Variants in ZNF707 observed in about 807,000 individuals in gnomAD.
ZNF707 encodes zinc finger protein 707.
Under a neutral mutation model 13.3 loss-of-function variants are expected in ZNF707, and 8 were observed. That is an observed-to-expected ratio of 0.60 (90% CI 0.35 to 1.09). The LOEUF is 1.09. Ranked by LOEUF, ZNF707 falls within the 50% of genes least tolerant of loss-of-function variation. The probability of loss-of-function intolerance (pLI) is 0.02; values close to 1 mark genes in which losing one functional copy is unlikely to be tolerated. For synonymous variants in ZNF707, 225 were observed against 205.6 expected (o/e 1.09, Z -0.81); for missense variants, 530 against 512.6 (o/e 1.03, Z -0.33).
intron 1 of ZNF707, among the ~76,000 whole-genome samples, chr8:143,685,258 C>T (rs530452640): frequency 2.0e-5 from 3 of 152,286 alleles, no homozygotes; most frequent in East Asian, 3.9e-4. Flanking sequence ...GGCAAGGTGG[C>T]TCCCGCCTGT....
chr8:143,691,839 T>A, intron 5 of ZNF707, 126 bp downstream of exon 5: 8 of 988,686 alleles, frequency 8.1e-6, no homozygotes, highest in Non-Finnish European at 1.2e-5. Flanking sequence ...ACACAGCTGC[T>A]CTCTAAATTA....
At chr8:143,690,192 C>T (rs142911737) in intron 3 of ZNF707, 69 bp downstream of exon 3, 147 of 1,578,946 alleles carry the variant, frequency 9.3e-5, no homozygotes, top group African/African-American at 2.0e-4. Flanking sequence ...CCAGCACACA[C>T]GCGGGGAGGG....
In ZNF707 at chr8:143,694,065, A is replaced by C; in HGVS notation, c.651A>C (p.Ser217=). The change falls in exon 6 of 6, where the codon TCA becomes TCC. Residue 217 remains serine, a synonymous_variant. Coordinates refer to ENST00000358656, the MANE Select transcript of ZNF707 (RefSeq NM_001100598.2). The surrounding 1 kb of genome is among the most constrained non-coding windows in gnomAD (Gnocchi z 4.4). ...GCGGCCAGACCTTCCGGTGGGCTTCAAACCTGCAGCGCCACCAGAAGAACC... is the reference window on the plus strand; with the variant it reads ...GCGGCCAGACCTTCCGGTGGGCTTCCAACCTGCAGCGCCACCAGAAGAACC... ...PECGQTFRWA[S]NLQRHQKNHT... 6.2e-7 allele frequency: 1 copy of C among 1,607,182 alleles called. No individual in the cohort carries two copies. Among genetic ancestry groups the C allele is most frequent in the Non-Finnish European group, 8.5e-7 (1 of 1,177,880 alleles).
chr8:143,692,678 C>T (rs369179542), intron 5 of ZNF707, among the ~76,000 whole-genome samples: 1 of 54,214 alleles, frequency 1.8e-5, no homozygotes. Flanking sequence ...GGGGAGGTGT[C>T]GCATCCCCGG....
Position 143,694,656 on chromosome 8 carries a change from A to G in ZNF707, c.*126A>G. On this transcript the variant is annotated 3_prime_UTR_variant, in exon 6 of 6. Transcript: ENST00000358656. The surrounding 1 kb of genome is among the most constrained non-coding windows in gnomAD (Gnocchi z 4.4). The stretch of plus-strand genomic sequence containing the variant: ...ATTCAGAGAAGCCTTCTTAGTCCTC[A>G]GAGCTCCCCAGTCCCCCGAGAAGTT... 2.7e-6 allele frequency: 3 copies of G among 1,092,366 alleles called. No homozygotes were observed. The highest frequency in any genetic ancestry group is 3.8e-6 in the Non-Finnish European group (3 of 789,206). The allele number at this position is 1,092,366 out of a possible 1,614,324, so 67.7% of individuals were successfully genotyped here.
Position 143,694,722 on chromosome 8 carries a change from T to G in ZNF707, c.*192T>G. The stretch of plus-strand genomic sequence containing the variant: ...CAGGTGGGAGAAGCAGAGCCATGGG[T>G]ACGCCGGAGATGGCGGGGGCTCTGG... On this transcript the variant is annotated 3_prime_UTR_variant, in exon 6 of 6. Transcript: ENST00000358656. This position sits in a 1 kb window ranked among gnomAD's most constrained non-coding sequence, Gnocchi z 4.4. 1.6e-6 allele frequency: 1 copy of G among 632,966 alleles called. No individual in the cohort carries two copies. The highest frequency in any genetic ancestry group is 2.6e-6 in the Non-Finnish European group (1 of 388,670). The allele number at this position is 632,966 out of a possible 1,614,324, so 39.2% of individuals were successfully genotyped here.
Position 143,694,319 on chromosome 8 carries a change from A to C in ZNF707, c.905A>C (p.Asn302Thr). ...DCGKAFRTKE[N>T]LSHHQRVHSG... The stretch of plus-strand genomic sequence containing the variant: ...GGCAAAGCCTTCCGGACCAAGGAGA[A>C]CCTCAGCCACCACCAGAGGGTCCAC... The change falls in exon 6 of 6, where the codon AAC (asparagine) becomes ACC (threonine). Residue 302 changes from asparagine (N) to threonine (T), a missense_variant. Transcript: ENST00000358656. The surrounding 1 kb of genome is among the most constrained non-coding windows in gnomAD (Gnocchi z 4.4). 1 of 1,601,990 alleles carries C rather than the reference A, an allele frequency of 6.2e-7. No homozygotes were observed. The highest frequency in any genetic ancestry group is 1.1e-5 in the South Asian group (1 of 90,496).
chr8:143,694,352 A>G lies in ZNF707; in HGVS notation c.938A>G (p.Glu313Gly). The change falls in exon 6 of 6, where the codon GAG becomes GGG. Residue 313 changes from glutamate (E) to glycine (G), a missense_variant. Physicochemically the swap from Glu to Gly is moderately conservative, Grantham distance 98 (BLOSUM62 -2). Coordinates refer to ENST00000358656, the MANE Select transcript of ZNF707 (RefSeq NM_001100598.2). This position sits in a 1 kb window ranked among gnomAD's most constrained non-coding sequence, Gnocchi z 4.4. ...CACCACCAGAGGGTCCACAGCGGGG[A>G]GAAGCCCTACACCTGTGCCGAGTGC... ...LSHHQRVHSG[E>G]KPYTCAECGK... The G allele has an allele frequency of 1.9e-6, 3 of 1,609,960 alleles. No homozygotes were observed. Among genetic ancestry groups the G allele is most frequent in the Middle Eastern group, 1.7e-4 (1 of 6,052 alleles).
At position 143,693,728 on chromosome 8, in the gene ZNF707, A is replaced by G. The variant is rs201599845; in HGVS notation, c.314A>G (p.Lys105Arg). 423 of 1,612,190 alleles carry G rather than the reference A, an allele frequency of 2.6e-4. 1 individual carries two copies. The highest frequency in any genetic ancestry group is 1.5e-3 in the Middle Eastern group (9 of 6,056). ...TGTGATCATCCAGCTTGGGCTCACAAGAAAACCCACGTGCGGCGAGAAAGA... is the reference window on the plus strand; with the variant it reads ...TGTGATCATCCAGCTTGGGCTCACAGGAAAACCCACGTGCGGCGAGAAAGA... ...RPCDHPAWAH[K>R]KTHVRRERAR... is the part of the protein sequence containing the mutation. Residue 105 changes from lysine to arginine, a missense_variant, in exon 6 of 6, where the codon AAG becomes AGG. Lys to Arg is a conservative substitution (Grantham distance 26, BLOSUM62 2). Coordinates refer to ENST00000358656, the MANE Select transcript of ZNF707 (RefSeq NM_001100598.2). The surrounding 1 kb of genome is among the most constrained non-coding windows in gnomAD (Gnocchi z 4.1).
At chr8:143,687,658 T>C (rs1054715030) in intron 1 of ZNF707, among the ~76,000 whole-genome samples, 6 of 152,110 alleles carry the variant, frequency 3.9e-5, no homozygotes, top group Admixed American at 3.9e-4. Context: ...TGTAATCTTA[T>C]GGCTTTATGT....
Sources: gnomAD v4.1 joint callset for allele counts (sites outside exome capture counted in the v4.1 genomes callset) on GRCh38, gnomAD v4.1.1 for gene constraint, Gnocchi (gnomAD v3.1) non-coding constraint, MANE v1.5 for transcripts, NCBI Gene and HGNC (gene_info 2026-07-23, HGNC 2026-07-21) for gene names.